CD38: variants seen among roughly 807,000 people sequenced by gnomAD.
CD38 encodes ADP-ribosyl cyclase/cyclic ADP-ribose hydrolase 1.
A neutral mutation model predicts 36.3 loss-of-function variants in CD38; 31 were observed. The observed-to-expected ratio is 0.85, with a 90% CI of 0.64 to 1.15. The LOEUF (loss-of-function observed/expected upper bound fraction) is 1.15. CD38 is among the 50% of genes most tolerant of loss of function. CD38 has a pLI of 0.00. For missense variants in CD38, 380 were observed against 371.9 expected (o/e 1.02, Z -0.18); for synonymous variants, 131 against 135.2 (o/e 0.97, Z 0.22).
intron 1 of CD38, among the ~76,000 whole-genome samples, chr4:15,812,280 T>C (rs138485851): frequency 6.6e-6 from 1 of 152,332 alleles, no homozygotes; most frequent in African/African-American, 2.4e-5. Context: ...TCTTCTGTGT[T>C]CCTTACATTT....
At chr4:15,832,684 A>G (rs2148926519) in intron 3 of CD38, among the ~76,000 whole-genome samples, 1 of 152,302 alleles carries the variant, frequency 6.6e-6, no homozygotes, top group African/African-American at 2.4e-5. Context: ...TAAGACTTGA[A>G]GCCAGTACAG....
At chr4:15,803,431 G>A (rs1017202560) in intron 1 of CD38, among the ~76,000 whole-genome samples, 7 of 152,082 alleles carry the variant, frequency 4.6e-5, no homozygotes, top group African/African-American at 1.4e-4. Context: ...ACAGCAAAAA[G>A]CCAAATAATC....
Position 15,778,887 on chromosome 4 carries a change from C to G in CD38, c.233+240C>G, listed in dbSNP as rs1420989223. On this transcript the variant is annotated intron_variant, in intron 1 of 7. Transcript: ENST00000226279. The surrounding 1 kb of genome is among the most constrained non-coding windows in gnomAD (Gnocchi z 4.9). ...CGGGGGGGGGCGCTGCTCGGTGGCT[C>G]TGCTGCGTAGCCGGTGAACACTTGG... is the stretch of plus-strand genomic sequence containing the variant. Among the ~76,000 whole-genome samples, 1 of 152,028 alleles carries G rather than the reference C, an allele frequency of 6.6e-6. No individual in the cohort carries two copies. Among genetic ancestry groups the G allele is most frequent in the African/African-American group, 2.4e-5 (1 of 41,422 alleles).
rs1377942684 is a variant in CD38 at position 15,803,882 on chromosome 4, T to G, written c.234-12629T>G. 2.0e-5 allele frequency among the ~76,000 whole-genome samples: 3 copies of G among 152,174 alleles called. 1 individual carries two copies. The highest frequency in any genetic ancestry group is 1.3e-4 in the Admixed American group (2 of 15,270). ...TGCGTACCCAATGTTTAGCTCCCACTTATAAGTGAGAAATGTAGTATTTGG... is the reference window on the plus strand; with the variant it reads ...TGCGTACCCAATGTTTAGCTCCCACGTATAAGTGAGAAATGTAGTATTTGG... On this transcript the variant is annotated intron_variant, in intron 1 of 7. Coordinates refer to ENST00000226279, the MANE Select transcript of CD38 (RefSeq NM_001775.4).
At position 15,778,430 on chromosome 4, in the gene CD38, T is replaced by C. The variant is rs1180459430; in HGVS notation, c.16T>C (p.Phe6Leu). 1 of 1,613,788 alleles carries C rather than the reference T, an allele frequency of 6.2e-7. No homozygotes were observed. The highest frequency in any genetic ancestry group is 1.6e-4 in the Middle Eastern group (1 of 6,062). MANCEFSPVSGDKPCC... is the reference protein window; with the variant it reads MANCELSPVSGDKPCC... The stretch of plus-strand genomic sequence containing the variant: ...CTGGAGCCCTATGGCCAACTGCGAG[T>C]TCAGCCCGGTGTCCGGGGACAAACC... The change falls in exon 1 of 8, where the codon TTC becomes CTC. Residue 6 changes from phenylalanine to leucine, a missense_variant. Transcript: ENST00000226279. This position sits in a 1 kb window ranked among gnomAD's most constrained non-coding sequence, Gnocchi z 4.9.
At chr4:15,831,909 A>G (rs4425367) in intron 3 of CD38, among the ~76,000 whole-genome samples, 110,237 of 151,980 alleles carry the variant, frequency 0.73, 41,441 homozygotes, top group African/African-American at 0.92. Flanking sequence ...CCTCTTTGAC[A>G]CCAATAACTC....
intron 6 of CD38, 62 bp downstream of exon 6, chr4:15,840,180 A>C: frequency 8.3e-7 from 1 of 1,199,142 alleles, no homozygotes; most frequent in Admixed American, 1.7e-5. Context: ...AAGAATCCAC[A>C]GTCACAAGCA....
intron 1 of CD38, among the ~76,000 whole-genome samples, chr4:15,785,229 C>T (rs976441947): frequency 6.6e-6 from 1 of 152,068 alleles, no homozygotes; most frequent in Non-Finnish European, 1.5e-5. Context: ...CGCAAATTAG[C>T]TAATTCTGGG....
chr4:15,813,176 C>T (rs1723508362), intron 1 of CD38, among the ~76,000 whole-genome samples: 1 of 152,150 alleles, frequency 6.6e-6, no homozygotes, highest in Admixed American at 6.5e-5. Context: ...GTAATGAAAT[C>T]AGACATCTTT....
chr4:15,790,149 CTCCCT>C, intron 1 of CD38, among the ~76,000 whole-genome samples: 1 of 42,774 alleles, frequency 2.3e-5, no homozygotes, highest in Non-Finnish European at 3.9e-5. Flanking sequence ...CCCTCTCCCT[CTCCCT>C]CTCCCCCTCT....
chr4:15,835,238 A>G (rs1024077724), intron 4 of CD38, among the ~76,000 whole-genome samples: 1 of 151,986 alleles, frequency 6.6e-6, no homozygotes, highest in African/African-American at 2.4e-5. Flanking sequence ...CTTCCATAAG[A>G]TCAACTTAAT....
intron 2 of CD38, among the ~76,000 whole-genome samples, chr4:15,823,872 A>T (rs1051005480): frequency 6.6e-6 from 1 of 152,224 alleles, no homozygotes. Flanking sequence ...TTGCAGTGCC[A>T]TTCACAATAG....
intron 1 of CD38, among the ~76,000 whole-genome samples, chr4:15,808,537 T>C (rs1049068559): frequency 1.3e-5 from 2 of 152,146 alleles, no homozygotes; most frequent in Admixed American, 6.5e-5. Flanking sequence ...CGCAGAAAAA[T>C]TGAGACTATA....
chr4:15,811,954 C>A (rs1239437265), intron 1 of CD38, among the ~76,000 whole-genome samples: 10 of 152,106 alleles, frequency 6.6e-5, no homozygotes, highest in African/African-American at 2.4e-4. Context: ...ATGTTTGGGC[C>A]CTCAGGTTCC....
chr4:15,784,496 G>T (rs773956139), intron 1 of CD38, among the ~76,000 whole-genome samples: 14 of 152,030 alleles, frequency 9.2e-5, no homozygotes, highest in Admixed American at 1.3e-4. Flanking sequence ...CTGGTGAGAG[G>T]GTCTGGACTT....
chr4:15,793,113 A>G (rs1723039465), intron 1 of CD38, among the ~76,000 whole-genome samples: 1 of 151,950 alleles, frequency 6.6e-6, no homozygotes, highest in Admixed American at 6.6e-5. Flanking sequence ...AATCAGAATC[A>G]CTTGAACGAG....
In CD38 at chr4:15,816,657, C is replaced by A; in HGVS notation, c.363+17C>A. On this transcript the variant is annotated intron_variant, in intron 2 of 7. Transcript: ENST00000226279. ...TGCAACAAGGTAATTGGGGGCATGC[C>A]ATTGATTTTAAAACTGGGGATAAAA... 6.2e-7 allele frequency: 1 copy of A among 1,612,670 alleles called. No individual in the cohort carries two copies. The highest frequency in any genetic ancestry group is 8.5e-7 in the Non-Finnish European group (1 of 1,179,248).
chr4:15,838,066 G>A (rs1377844950), intron 4 of CD38, 26 bp from the exon 5 acceptor site: 2 of 1,590,686 alleles, frequency 1.3e-6, no homozygotes, highest in African/African-American at 1.3e-5. Flanking sequence ...TTTGCATGAT[G>A]AATGGTGGGC....
chr4:15,793,530 T>G (rs1245941622), intron 1 of CD38, among the ~76,000 whole-genome samples: 1 of 152,178 alleles, frequency 6.6e-6, no homozygotes, highest in African/African-American at 2.4e-5. Flanking sequence ...TACTGAATGA[T>G]GTAAGTTTTC....
Sources: gnomAD v4.1 joint callset for allele counts (sites outside exome capture counted in the v4.1 genomes callset) on GRCh38, gnomAD v4.1.1 for gene constraint, Gnocchi (gnomAD v3.1) non-coding constraint, MANE v1.5 for transcripts, NCBI Gene and HGNC (gene_info 2026-07-23, HGNC 2026-07-21) for gene names.